Variants in CNBD1 observed in about 807,000 individuals in gnomAD.
The protein encoded by CNBD1 is cyclic nucleotide binding domain containing 1.
A neutral mutation model predicts 54.4 loss-of-function variants in CNBD1; 71 were observed. The observed-to-expected ratio is 1.30, with a 90% CI of 1.08 to 1.59. CNBD1 has a LOEUF of 1.59. Ranked by LOEUF, CNBD1 falls within the 40% of genes most tolerant of loss-of-function variation. CNBD1 has a pLI of 0.00. For synonymous variants in CNBD1, 182 were observed against 170.7 expected (o/e 1.07, Z -0.51); for missense variants, 659 against 518.0 (o/e 1.27, Z -2.64).
chr8:87,167,035 T>A (rs968118862), intron 4 of CNBD1, among the ~76,000 whole-genome samples: 47 of 151,992 alleles, frequency 3.1e-4, no homozygotes, highest in African/African-American at 1.1e-3. Context: ...AGAAATAATA[T>A]GTTTATTGCA....
At chr8:87,035,705 G>A (rs1174533903) in intron 4 of CNBD1, among the ~76,000 whole-genome samples, 1 of 152,110 alleles carries the variant, frequency 6.6e-6, no homozygotes, top group Admixed American at 6.6e-5. Context: ...AATGGCAGTG[G>A]CTTATATAAA....
intron 4 of CNBD1, among the ~76,000 whole-genome samples, chr8:87,037,177 A>G (rs1809967183): frequency 6.6e-6 from 1 of 152,168 alleles, no homozygotes; most frequent in Non-Finnish European, 1.5e-5. Flanking sequence ...TTTAGGTTCC[A>G]GGTTGCTTTT....
At chr8:87,277,801 T>A (rs1808514186) in intron 6 of CNBD1, among the ~76,000 whole-genome samples, 1 of 151,560 alleles carries the variant, frequency 6.6e-6, no homozygotes, top group African/African-American at 2.4e-5. Context: ...CAATCAATGG[T>A]TTTCATACAC....
intron 6 of CNBD1, among the ~76,000 whole-genome samples, chr8:87,269,510 C>CAAA (rs1808322496): frequency 6.6e-6 from 1 of 151,968 alleles, no homozygotes; most frequent in African/African-American, 2.4e-5. Flanking sequence ...TGCTTTGGGC[C>CAAA]GTATGGCCAT....
At chr8:87,015,891 GA>G (rs368036355) in intron 4 of CNBD1, among the ~76,000 whole-genome samples, 1 of 136,432 alleles carries the variant, frequency 7.3e-6, no homozygotes, top group East Asian at 2.4e-4. Flanking sequence ...TGAGGTAGGA[GA>G]ATTGCTTGAA....
chr8:87,305,531 C>T (rs1228856800), intron 8 of CNBD1, among the ~76,000 whole-genome samples: 2 of 152,136 alleles, frequency 1.3e-5, no homozygotes, highest in Non-Finnish European at 2.9e-5. Flanking sequence ...GTCACCAAAA[C>T]AGCATGGGAT....
chr8:87,251,858 C>A (rs907533191), intron 6 of CNBD1, among the ~76,000 whole-genome samples: 2 of 151,814 alleles, frequency 1.3e-5, no homozygotes, highest in African/African-American at 4.8e-5. Context: ...CTGTATTTAT[C>A]TTTTTAAAAA....
intron 10 of CNBD1, among the ~76,000 whole-genome samples, chr8:87,379,029 G>T (rs2130957258): frequency 6.6e-6 from 1 of 150,496 alleles, no homozygotes; most frequent in Middle Eastern, 3.4e-3. Context: ...TGCTGAAGTT[G>T]CTTATCAGCT....
intron 4 of CNBD1, among the ~76,000 whole-genome samples, chr8:87,146,650 A>G (rs1015081091): frequency 2.0e-5 from 3 of 152,078 alleles, no homozygotes; most frequent in Non-Finnish European, 4.4e-5. Flanking sequence ...ACAGCATAGG[A>G]ATTTTCCATG....
chr8:87,410,959 G>A (rs1049502144), intron 2 of CNBD1, among the ~76,000 whole-genome samples: 1 of 151,938 alleles, frequency 6.6e-6, no homozygotes, highest in African/African-American at 2.4e-5. Context: ...TTTTTTAATT[G>A]GTGTATGTAC....
At chr8:87,094,789 G>A (rs987712768) in intron 4 of CNBD1, among the ~76,000 whole-genome samples, 13 of 152,172 alleles carry the variant, frequency 8.5e-5, no homozygotes, top group Non-Finnish European at 1.0e-4. Context: ...TGTAATCCTA[G>A]CACTTTGGGA....
chr8:87,330,844 G>A (rs1353529452), intron 8 of CNBD1, among the ~76,000 whole-genome samples: 1 of 152,108 alleles, frequency 6.6e-6, no homozygotes, highest in East Asian at 1.9e-4. Flanking sequence ...GAATTTAACT[G>A]TGAAATACAT....
chr8:87,004,937 G>A (rs895144071), intron 4 of CNBD1, among the ~76,000 whole-genome samples: 1 of 151,902 alleles, frequency 6.6e-6, no homozygotes, highest in Non-Finnish European at 1.5e-5. Context: ...ATAAAAATCT[G>A]TTTCATTTGG....
At chr8:87,318,232 C>T (rs1711227131) in intron 8 of CNBD1, among the ~76,000 whole-genome samples, 1 of 151,840 alleles carries the variant, frequency 6.6e-6, no homozygotes, top group Non-Finnish European at 1.5e-5. Flanking sequence ...ATTATATACC[C>T]ATGCTTCTTT....
rs573628043 is a variant in CNBD1 at position 86,997,297 on chromosome 8, A to G, written c.431+57543A>G. On this transcript the variant is annotated intron_variant, in intron 4 of 10. Transcript: ENST00000518476. The stretch of plus-strand genomic sequence containing the variant: ...AGACTCCTTTTGGAACACTTAAAAA[A>G]TTTCCAAAAATACAAGTTGAACCTC... Among the ~76,000 whole-genome samples the G allele has an allele frequency of 8.5e-5, 13 of 152,292 alleles. No homozygotes were observed. In the East Asian group the frequency reaches 2.3e-3, roughly 27 times the overall value.
At chr8:87,407,141 T>C (rs1230202309) in intron 2 of CNBD1, among the ~76,000 whole-genome samples, 1 of 152,096 alleles carries the variant, frequency 6.6e-6, no homozygotes, top group Non-Finnish European at 1.5e-5. Flanking sequence ...TAGAAGCCTT[T>C]CCTTAACCTC....
chr8:87,138,002 T>C (rs1812293906), intron 4 of CNBD1, among the ~76,000 whole-genome samples: 1 of 152,190 alleles, frequency 6.6e-6, no homozygotes, highest in Non-Finnish European at 1.5e-5. Flanking sequence ...ATTTCAAATT[T>C]AACCTCATTA....
At chr8:87,029,747 T>C (rs1809739896) in intron 4 of CNBD1, among the ~76,000 whole-genome samples, 1 of 151,940 alleles carries the variant, frequency 6.6e-6, no homozygotes, top group African/African-American at 2.4e-5. Context: ...GGAGAAAAGA[T>C]ATTTATGGAA....
At position 86,915,458 on chromosome 8, in the gene CNBD1, C is replaced by G. The variant is rs187188291; in HGVS notation, c.272+10264C>G. Among the ~76,000 whole-genome samples, 189 of 152,252 alleles carry G rather than the reference C, an allele frequency of 1.2e-3. 1 individual carries two copies. Among genetic ancestry groups the G allele is most frequent in the African/African-American group, 4.4e-3 (183 of 41,556 alleles). Reference sequence around the variant, plus strand: ...GGTTTGTGGTCTCCCATTAGCTTTACAAATGCAGTTGAGTTTTGGGGAAGG... The same window carrying G: ...GGTTTGTGGTCTCCCATTAGCTTTAGAAATGCAGTTGAGTTTTGGGGAAGG... On this transcript the variant is annotated intron_variant, in intron 3 of 10. Transcript: ENST00000518476.
Sources: gnomAD v4.1 joint callset for allele counts (sites outside exome capture counted in the v4.1 genomes callset) on GRCh38, gnomAD v4.1.1 for gene constraint, MANE v1.5 for transcripts, NCBI Gene and HGNC (gene_info 2026-07-23, HGNC 2026-07-21) for gene names.